The following ITGA5 variants were observed in gnomAD, a reference collection of about 807,000 sequenced individuals.
ITGA5 encodes the protein integrin subunit alpha 5.
In ITGA5, 55 loss-of-function variants were observed where a neutral mutation model predicts 146.3. The ratio of observed to expected loss-of-function variants is 0.38; its 90% confidence interval spans 0.30 to 0.47. The LOEUF (loss-of-function observed/expected upper bound fraction) is 0.47. Ranked by LOEUF, ITGA5 falls within the 20% of genes least tolerant of loss-of-function variation. ITGA5 has a pLI of 0.99. For missense variants in ITGA5, 1,131 were observed against 1,329.0 expected (o/e 0.85, Z 2.32); for synonymous variants, 500 against 531.8 (o/e 0.94, Z 0.82).
At position 54,416,610 on chromosome 12, in the gene ITGA5, C is replaced by A. The variant is rs1956010602; in HGVS notation, c.218+2371G>T. On this transcript the variant is annotated intron_variant, in intron 1 of 29. Transcript: ENST00000293379. The surrounding 1 kb of genome is among the most constrained non-coding windows in gnomAD (Gnocchi z 4.1). ...CAGCTACCCCATAAAAACCATGCCG[C>A]CCATGTATTGATCACTCTCTGTGGA... Among the ~76,000 whole-genome samples, 1 of 152,206 alleles carries A rather than the reference C, an allele frequency of 6.6e-6. No individual in the cohort carries two copies. Among genetic ancestry groups the A allele is most frequent in the Non-Finnish European group, 1.5e-5 (1 of 68,034 alleles).
rs1374748315 is a variant in ITGA5, at chr12:54,403,856, C to G, written c.1621+55G>C. ...AGAGAGAAGAAATGTCCCCAGGTCC[C>G]CAGTCCCTTCATTCTCTGTCCTAGG... On this transcript the variant is annotated intron_variant, in intron 16 of 29. Coordinates refer to ENST00000293379, the MANE Select transcript of ITGA5 (RefSeq NM_002205.5). This position sits in a 1 kb window ranked among gnomAD's most constrained non-coding sequence, Gnocchi z 4.9. The G allele has an allele frequency of 4.3e-6, 7 of 1,610,722 alleles. No homozygotes were observed. Among genetic ancestry groups the G allele is most frequent in the Non-Finnish European group, 5.9e-6 (7 of 1,177,152 alleles).
chr12:54,398,835 CTTT>C (rs34443272), intron 27 of ITGA5, 137 bp from the exon 28 acceptor site: 4,547 of 215,606 alleles, frequency 0.021, no homozygotes, highest in Middle Eastern at 0.032. Flanking sequence ...CTCTCTCTCT[CTTT>C]TTTTTTTTTT....
In ITGA5 at chr12:54,395,918, T is replaced by A. The variant is rs1237064711; in HGVS notation, c.*375A>T. On this transcript the variant is annotated 3_prime_UTR_variant, in exon 30 of 30. Coordinates refer to ENST00000293379, the MANE Select transcript of ITGA5 (RefSeq NM_002205.5). ...AGGACAGATCTTTGCAGGTTGGAGC[T>A]GGACAGGAAGTCCTTGTGGCATGTC... 5.2e-6 allele frequency: 1 copy of A among 190,624 alleles called. No individual in the cohort carries two copies. Among genetic ancestry groups the A allele is most frequent in the Non-Finnish European group, 1.1e-5 (1 of 91,018 alleles). 11.8% of individuals were successfully genotyped at this position (190,624 alleles called of 1,614,324 possible). A position where few individuals can be genotyped will look rare whatever the true frequency, so the allele number is the denominator to read the frequency against.
chr12:54,411,780 G>A, intron 2 of ITGA5, 54 bp downstream of exon 2: 1 of 953,910 alleles, frequency 1.0e-6, no homozygotes, highest in South Asian at 2.0e-5. Flanking sequence ...CCCAGGCCTT[G>A]CCCCCAGGCT....
chr12:54,400,734 C>CT (rs1955774648), intron 25 of ITGA5, 112 bp downstream of exon 25: 13 of 1,076,768 alleles, frequency 1.2e-5, no homozygotes, highest in Non-Finnish European at 1.8e-5. Flanking sequence ...TCAACCCTAG[C>CT]TATAGGCACA....
At chr12:54,399,303 T>C (rs1289318913) in intron 27 of ITGA5, among the ~76,000 whole-genome samples, 3 of 152,360 alleles carry the variant, frequency 2.0e-5, no homozygotes, top group Non-Finnish European at 4.4e-5. Context: ...GCCTGCAGTG[T>C]GTGCTCAAGA....
In ITGA5 at chr12:54,409,554, C is replaced by G. The variant is rs944011782; in HGVS notation, c.393G>C (p.Glu131Asp). Residue 131 changes from glutamate to aspartate, a missense_variant, in exon 3 of 30, where the codon GAG (glutamate) becomes GAC (aspartate). Glu to Asp is a conservative substitution (Grantham distance 45). This residue lies in a region of ITGA5 where 175 missense variants were observed against 179.3 expected (regional missense o/e 0.98). Coordinates refer to ENST00000293379, the MANE Select transcript of ITGA5 (RefSeq NM_002205.5). The surrounding 1 kb of genome is among the most constrained non-coding windows in gnomAD (Gnocchi z 4.7). ...GCAAGGACTTGTACTCCACAGGCTC[C>G]TCTCCCTCTGAGCTGGACAGTGAGG... is the stretch of plus-strand genomic sequence containing the variant. Reference protein sequence around the residue: ...LESSLSSSEGEEPVEYKSLQW... With the variant: ...LESSLSSSEGDEPVEYKSLQW... 4.3e-6 allele frequency: 7 copies of G among 1,613,828 alleles called. No homozygotes were observed. The African/African-American group carries it at 9.3e-5, about 22-fold the overall frequency.
At chr12:54,410,639 CAGTGACGGAG>C (rs1381281919) in intron 2 of ITGA5, among the ~76,000 whole-genome samples, 25 of 151,580 alleles carry the variant, frequency 1.6e-4, no homozygotes, top group Non-Finnish European at 1.0e-4. Flanking sequence ...GCCTTGGCTG[CAGTGACGGAG>C]AATCACTCAA....
At chr12:54,413,646 C>T (rs60907343) in intron 1 of ITGA5, among the ~76,000 whole-genome samples, 2,046 of 152,284 alleles carry the variant, frequency 0.013, 54 homozygotes, top group African/African-American at 0.047. Flanking sequence ...GAAGGAGACC[C>T]CTCTCTCAGC....
At chr12:54,396,431 A>G (rs1448184795) in intron 29 of ITGA5, 55 bp from the exon 30 acceptor site, 27 of 1,383,598 alleles carry the variant, frequency 2.0e-5, no homozygotes, top group Non-Finnish European at 2.8e-5. Context: ...ATTTCTCCAC[A>G]GCTCTTATTC....
intron 1 of ITGA5, among the ~76,000 whole-genome samples, chr12:54,414,350 C>T (rs1306148643): frequency 6.6e-6 from 1 of 152,178 alleles, no homozygotes; most frequent in Admixed American, 6.5e-5. Context: ...AAGAAGGTAA[C>T]AATGGAGGGT....
chr12:54,406,017 G>A, intron 9 of ITGA5, 91 bp from the exon 10 acceptor site: 4 of 1,151,522 alleles, frequency 3.5e-6, no homozygotes, highest in Non-Finnish European at 5.2e-6. Context: ...CCAGGGGCAG[G>A]CATTCCTTAG....
At chr12:54,404,109 G>C (rs779428359) in intron 15 of ITGA5, 36 bp downstream of exon 15, 2 of 1,569,198 alleles carry the variant, frequency 1.3e-6, no homozygotes, top group Non-Finnish European at 1.7e-6. Context: ...CCACTCCCAG[G>C]CTCAGGTCTC....
At position 54,404,266 on chromosome 12, in the gene ITGA5, G is replaced by A. The variant is rs1247211893; in HGVS notation, c.1464-20C>T. The A allele has an allele frequency of 1.3e-6, 2 of 1,593,928 alleles. No individual in the cohort carries two copies. The highest frequency in any genetic ancestry group is 1.3e-5 in the African/African-American group (1 of 74,326). ...CGGCCCCTGCCAAGAGTGAATGTGG[G>A]GTCAATAGAATTAGGACTCCTCTGT... On this transcript the variant is annotated intron_variant, in intron 14 of 29. Transcript: ENST00000293379.
intron 27 of ITGA5, 140 bp from the exon 28 acceptor site, chr12:54,398,838 T>C (rs1322448872): frequency 8.1e-5 from 22 of 273,008 alleles, no homozygotes; most frequent in South Asian, 5.4e-4. Flanking sequence ...TCTCTCTCTT[T>C]TTTTTTTTTT....
rs757866927 is a variant in ITGA5 at position 54,409,245 on chromosome 12, T to C, written c.570A>G (p.Ala190=). ...TDNFTRILEY[A]PCRSDFSWAA... ...TCTTGCCCCTACCTGAGCGGCAGGGTGCATACTCCAGAATTCGGGTGAAGT... is the reference window on the plus strand; with the variant it reads ...TCTTGCCCCTACCTGAGCGGCAGGGCGCATACTCCAGAATTCGGGTGAAGT... The change falls in exon 4 of 30, where the codon GCA becomes GCG. Residue 190 remains alanine, a synonymous_variant. Coordinates refer to ENST00000293379, the MANE Select transcript of ITGA5 (RefSeq NM_002205.5). The surrounding 1 kb of genome is among the most constrained non-coding windows in gnomAD (Gnocchi z 4.7). The C allele has an allele frequency of 4.3e-6, 7 of 1,612,496 alleles. No homozygotes were observed. The highest frequency in any genetic ancestry group is 5.9e-6 in the Non-Finnish European group (7 of 1,179,342).
chr12:54,403,972 G>A lies in ITGA5; in HGVS notation c.1566-6C>T. On this transcript the variant is annotated splice_region_variant and splice_polypyrimidine_tract_variant and intron_variant, in intron 15 of 29. Transcript: ENST00000293379. The surrounding 1 kb of genome is among the most constrained non-coding windows in gnomAD (Gnocchi z 4.9). ...GGCAGAAGCTAAGGTTGATGCTGGA[G>A]AGAGACCAAGAAGAAAGCTGGTGAA... is the stretch of plus-strand genomic sequence containing the variant. The A allele has an allele frequency of 6.2e-7, 1 of 1,614,078 alleles. No individual in the cohort carries two copies. Among genetic ancestry groups the A allele is most frequent in the Non-Finnish European group, 8.5e-7 (1 of 1,179,954 alleles).
intron 28 of ITGA5, among the ~76,000 whole-genome samples, chr12:54,398,207 T>C (rs1226591317): frequency 6.6e-6 from 1 of 152,150 alleles, no homozygotes; most frequent in Non-Finnish European, 1.5e-5. Flanking sequence ...CTCATATCTG[T>C]TATTCACCTC....
chr12:54,400,749 C>A, intron 25 of ITGA5, 97 bp downstream of exon 25: 1 of 1,242,278 alleles, frequency 8.0e-7, no homozygotes. Flanking sequence ...GGCACATCCT[C>A]ATTGCCTCTT....
Sources: allele counts gnomAD v4.1 joint callset (sites outside exome capture counted in the v4.1 genomes callset), GRCh38; gene constraint gnomAD v4.1.1; regional missense constraint gnomAD v4.1.1; non-coding constraint Gnocchi (gnomAD v3.1); transcripts MANE v1.5; gene names NCBI Gene and HGNC (gene_info 2026-07-23, HGNC 2026-07-21).